Variants in RMND1 observed in about 807,000 individuals in gnomAD.
RMND1 encodes required for meiotic nuclear division protein 1 homolog.
In RMND1, 41 loss-of-function variants were observed where a neutral mutation model predicts 54.0. The observed-to-expected ratio is 0.76, with a 90% CI of 0.59 to 0.98. RMND1 has a LOEUF of 0.98. RMND1 is among the 50% of genes least tolerant of loss of function. The pLI, the probability that RMND1 is intolerant of heterozygous loss-of-function variation, is 0.00. For synonymous variants in RMND1, 183 were observed against 181.7 expected (o/e 1.01, Z -0.06); for missense variants, 457 against 532.0 (o/e 0.86, Z 1.39).
At chr6:151,407,890 G>C (rs1277657118) in intron 10 of RMND1, among the ~76,000 whole-genome samples, 1 of 151,948 alleles carries the variant, frequency 6.6e-6, no homozygotes, top group Non-Finnish European at 1.5e-5. Flanking sequence ...CAGCCTGGGC[G>C]ACAGAGCGAG....
intron 10 of RMND1, chr6:151,416,465 C>G (rs1334808979): frequency 1.4e-5 from 2 of 141,506 alleles, no homozygotes; most frequent in African/African-American, 5.4e-5. Context: ...ACTCTGTCAT[C>G]CAGGCTGGAG....
At chr6:151,438,202 T>G (rs1051217595) in intron 2 of RMND1, among the ~76,000 whole-genome samples, 1 of 152,280 alleles carries the variant, frequency 6.6e-6, no homozygotes. Flanking sequence ...ATGTACGATG[T>G]GTGTAAAGAT....
Position 151,426,902 on chromosome 6 carries a change from T to TG in RMND1, c.830+579dup, listed in dbSNP as rs998837049. Among the ~76,000 whole-genome samples the TG allele has an allele frequency of 7.2e-5, 11 of 151,948 alleles. No homozygotes were observed. In the South Asian group the frequency reaches 1.5e-3, roughly 20 times the overall value. On this transcript the variant is annotated intron_variant, in intron 6 of 11. Coordinates refer to ENST00000444024, the MANE Select transcript of RMND1 (RefSeq NM_017909.4). ...CTCCTGTCTCAGCCTCCCGAGTAGC[T>TG]GGGATTACAAGCACCCGCCACCATA...
chr6:151,430,261 G>T, intron 4 of RMND1, 84 bp from the exon 5 acceptor site: 1 of 953,846 alleles, frequency 1.0e-6, no homozygotes, highest in South Asian at 1.5e-5. Context: ...GTAACTTCTA[G>T]AATGTATACA....
At chr6:151,444,972 TG>T (rs1487195597) in intron 2 of RMND1, 8 of 198,860 alleles carry the variant, frequency 4.0e-5, no homozygotes, top group African/African-American at 7.0e-5. Flanking sequence ...ATTTCTAGTT[TG>T]TTTTTTTTTA....
chr6:151,434,898 G>T (rs566646524), intron 3 of RMND1, among the ~76,000 whole-genome samples: 41 of 152,282 alleles, frequency 2.7e-4, no homozygotes, highest in African/African-American at 9.9e-4. Flanking sequence ...ACCCAGGCTG[G>T]AGTGCAGTGG....
chr6:151,451,231 T>G (rs545549165), intron 1 of RMND1, among the ~76,000 whole-genome samples: 30 of 148,176 alleles, frequency 2.0e-4, no homozygotes, highest in East Asian at 4.1e-4. Context: ...ACAACCAGCA[T>G]CCATTCTCTT....
At chr6:151,429,346 C>T (rs1333208052) in intron 5 of RMND1, among the ~76,000 whole-genome samples, 2 of 152,142 alleles carry the variant, frequency 1.3e-5, no homozygotes, top group Non-Finnish European at 2.9e-5. Context: ...GTCTCGAACT[C>T]CTGGCCTCAA....
At chr6:151,424,133 G>A (rs527683845) in intron 6 of RMND1, among the ~76,000 whole-genome samples, 12 of 151,920 alleles carry the variant, frequency 7.9e-5, no homozygotes, top group Admixed American at 6.6e-5. Context: ...CTACAGGTGC[G>A]AGCCACCTTG....
intron 3 of RMND1, among the ~76,000 whole-genome samples, chr6:151,436,082 G>A (rs1780597250): frequency 1.4e-5 from 2 of 146,770 alleles, no homozygotes; most frequent in South Asian, 2.2e-4. Context: ...TCCAGCCTGG[G>A]CAACAAGAGT....
intron 10 of RMND1, among the ~76,000 whole-genome samples, chr6:151,414,224 T>C (rs1038264187): frequency 1.4e-4 from 22 of 152,122 alleles, no homozygotes; most frequent in African/African-American, 5.1e-4. Flanking sequence ...GCACATGCCA[T>C]TATACCTGGC....
intron 8 of RMND1, 151 bp from the exon 9 acceptor site, chr6:151,421,472 C>A (rs1019358592): frequency 3.1e-5 from 18 of 583,620 alleles, no homozygotes; most frequent in Non-Finnish European, 3.1e-6. Context: ...TGTCTTAACT[C>A]ACCTTGAAAT....
chr6:151,421,391 G>C (rs1268526864), intron 8 of RMND1, 70 bp from the exon 9 acceptor site: 2 of 1,084,522 alleles, frequency 1.8e-6, no homozygotes, highest in Non-Finnish European at 2.7e-6. Flanking sequence ...TAGGTCAACA[G>C]GGCAAAATCT....
At chr6:151,439,848 C>T (rs1259077595) in intron 2 of RMND1, among the ~76,000 whole-genome samples, 1 of 151,976 alleles carries the variant, frequency 6.6e-6, no homozygotes. Context: ...TTAGTAGAGA[C>T]GGGGTTTCTC....
At position 151,423,574 on chromosome 6, in the gene RMND1, A is replaced by G. The variant is rs745846128; in HGVS notation, c.888T>C (p.Asp296=). The G allele has an allele frequency of 7.4e-6, 12 of 1,614,076 alleles. No homozygotes were observed. The highest frequency in any genetic ancestry group is 1.0e-5 in the Non-Finnish European group (12 of 1,179,960). ...AAGCAAACTTCTCTAGAATGGCATC[A>G]TCTAAATCCAGCTCTGAATTTAACT... ...EIKLNSELDL[D]DAILEKFAFS... The change falls in exon 7 of 12, where the codon GAT becomes GAC. Residue 296 remains aspartate, a synonymous_variant. Coordinates refer to ENST00000444024, the MANE Select transcript of RMND1 (RefSeq NM_017909.4).
chr6:151,447,061 G>A (rs1780974204), intron 1 of RMND1, among the ~76,000 whole-genome samples: 1 of 152,220 alleles, frequency 6.6e-6, no homozygotes, highest in Non-Finnish European at 1.5e-5. Flanking sequence ...AAAGGAGCAT[G>A]TGAAGAGTGT....
chr6:151,406,551 G>A (rs1361360362), intron 10 of RMND1, among the ~76,000 whole-genome samples: 1 of 152,008 alleles, frequency 6.6e-6, no homozygotes, highest in South Asian at 2.1e-4. Flanking sequence ...TAGTAGAGAT[G>A]ATGTTAGCCA....
intron 4 of RMND1, among the ~76,000 whole-genome samples, chr6:151,430,577 C>A (rs1424461398): frequency 6.6e-6 from 1 of 152,136 alleles, no homozygotes; most frequent in Non-Finnish European, 1.5e-5. Context: ...AAGGGCTATG[C>A]CTGGATTTTT....
intron 1 of RMND1, among the ~76,000 whole-genome samples, chr6:151,447,582 A>C (rs1780992657): frequency 6.6e-6 from 1 of 152,186 alleles, no homozygotes; most frequent in Non-Finnish European, 1.5e-5. Flanking sequence ...TCTTCAGGAT[A>C]AGGACAAAGA....
Sources: allele counts gnomAD v4.1 joint callset (sites outside exome capture counted in the v4.1 genomes callset), GRCh38; gene constraint gnomAD v4.1.1; transcripts MANE v1.5; gene names NCBI Gene and HGNC (gene_info 2026-07-23, HGNC 2026-07-21).